SLC16A10: variants seen among roughly 807,000 people sequenced by gnomAD.
SLC16A10 encodes the protein solute carrier family 16 member 10.
A neutral mutation model predicts 40.0 loss-of-function variants in SLC16A10; 27 were observed. The observed-to-expected ratio is 0.67, with a 90% CI of 0.50 to 0.93. The LOEUF (loss-of-function observed/expected upper bound fraction) is 0.93, where lower values mean the gene tolerates loss of function less well. SLC16A10 is among the 40% of genes least tolerant of loss of function. SLC16A10 has a pLI of 0.00. For missense variants in SLC16A10, 529 were observed against 658.2 expected (o/e 0.80, Z 2.15); for synonymous variants, 213 against 249.8 (o/e 0.85, Z 1.39).
chr6:111,191,827 A>C (rs1166365303), intron 3 of SLC16A10, among the ~76,000 whole-genome samples: 1 of 152,088 alleles, frequency 6.6e-6, no homozygotes, highest in Non-Finnish European at 1.5e-5. Context: ...TCTTTTGAAA[A>C]GTGTTCATAT....
intron 3 of SLC16A10, 108 bp downstream of exon 3, chr6:111,177,773 T>C (rs1772713950): frequency 9.8e-7 from 1 of 1,015,286 alleles, no homozygotes; most frequent in African/African-American, 1.6e-5. Context: ...TTATCCTGGT[T>C]GTAATTTTGG....
In SLC16A10 at chr6:111,167,851, T is replaced by G. The variant is rs111405091; in HGVS notation, c.344-4844T>G. Among the ~76,000 whole-genome samples, 382 of 152,122 alleles carry G rather than the reference T, an allele frequency of 2.5e-3. 2 individuals carry two copies. The highest frequency in any genetic ancestry group is 8.7e-3 in the African/African-American group (361 of 41,500). On this transcript the variant is annotated intron_variant, in intron 1 of 5. Coordinates refer to ENST00000368851, the MANE Select transcript of SLC16A10 (RefSeq NM_018593.5). The stretch of plus-strand genomic sequence containing the variant: ...GCCCAGCTAGTTTTTAAAGTATTTT[T>G]TTTTGTACAGATGGGGTCTTGCTTT...
At chr6:111,103,739 T>A (rs1771231641) in intron 1 of SLC16A10, among the ~76,000 whole-genome samples, 1 of 152,100 alleles carries the variant, frequency 6.6e-6, no homozygotes, top group Admixed American at 6.6e-5. Flanking sequence ...GGCTTCAGTT[T>A]TTGAGTTAGG....
At chr6:111,202,301 C>T (rs1436466157) in intron 3 of SLC16A10, among the ~76,000 whole-genome samples, 1 of 152,078 alleles carries the variant, frequency 6.6e-6, no homozygotes, top group African/African-American at 2.4e-5. Context: ...CATAACAGGA[C>T]CATGTCACTA....
chr6:111,115,359 G>A (rs757493362), intron 1 of SLC16A10, among the ~76,000 whole-genome samples: 33 of 152,170 alleles, frequency 2.2e-4, no homozygotes, highest in Non-Finnish European at 4.0e-4. Flanking sequence ...ATAGGCGCCT[G>A]CCATCACGCC....
At chr6:111,133,888 C>G (rs1489143762) in intron 1 of SLC16A10, among the ~76,000 whole-genome samples, 1 of 152,212 alleles carries the variant, frequency 6.6e-6, no homozygotes, top group Non-Finnish European at 1.5e-5. Flanking sequence ...CTTTTTCTCT[C>G]TCACACTTGA....
chr6:111,156,915 GTATTT>G (rs547961253), intron 1 of SLC16A10, among the ~76,000 whole-genome samples: 10 of 152,198 alleles, frequency 6.6e-5, no homozygotes, highest in African/African-American at 2.4e-4. Flanking sequence ...AAATGAAAGT[GTATTT>G]TATTTTATTT....
At position 111,103,678 on chromosome 6, in the gene SLC16A10, A is replaced by G. The variant is rs145965500; in HGVS notation, c.343+15583A>G. ...ATGCTAAATCCTGTGCAAGTAAGAT[A>G]TAGGATTTTAGAGGAAGGGAGAATG... On this transcript the variant is annotated intron_variant, in intron 1 of 5. Coordinates refer to ENST00000368851, the MANE Select transcript of SLC16A10 (RefSeq NM_018593.5). 5.1e-3 allele frequency among the ~76,000 whole-genome samples: 774 copies of G among 152,308 alleles called. 2 individuals are homozygous for G. The highest frequency in any genetic ancestry group is 0.017 in the African/African-American group (717 of 41,566).
At chr6:111,130,856 C>G (rs892616445) in intron 1 of SLC16A10, among the ~76,000 whole-genome samples, 5 of 152,180 alleles carry the variant, frequency 3.3e-5, no homozygotes, top group African/African-American at 9.7e-5. Flanking sequence ...GATTTTGAAT[C>G]CTGGCTGAGT....
Position 111,228,551 on chromosome 6 carries a change from G to A in SLC16A10, c.*6316G>A, listed in dbSNP as rs1358146198. On this transcript the variant is annotated 3_prime_UTR_variant, in exon 6 of 6. Coordinates refer to ENST00000368851, the MANE Select transcript of SLC16A10 (RefSeq NM_018593.5). ...GATTGGTAATACTATTTTGGAGCCT[G>A]TGATGTATGACTTTTATTCTTTACT... 2.6e-5 allele frequency: 4 copies of A among 152,162 alleles called. No homozygotes were observed. The highest frequency in any genetic ancestry group is 2.1e-4 in the South Asian group (1 of 4,828). 9.4% of individuals were successfully genotyped at this position (152,162 alleles called of 1,614,324 possible).
intron 3 of SLC16A10, among the ~76,000 whole-genome samples, chr6:111,185,007 C>T (rs774505835): frequency 8.6e-5 from 13 of 151,458 alleles, no homozygotes; most frequent in Non-Finnish European, 1.5e-4. Context: ...CGCTGAGCCA[C>T]GCAAATAGGA....
intron 1 of SLC16A10, among the ~76,000 whole-genome samples, chr6:111,118,718 TTTATATGG>T (rs1442305507): frequency 6.6e-6 from 1 of 151,244 alleles, no homozygotes; most frequent in Non-Finnish European, 1.5e-5. Context: ...TATCTCAGGT[TTTATATGG>T]CATTGATGGA....
chr6:111,099,597 GA>G (rs905030260), intron 1 of SLC16A10, among the ~76,000 whole-genome samples: 2 of 152,096 alleles, frequency 1.3e-5, no homozygotes, highest in African/African-American at 4.8e-5. Context: ...TTATAGATGT[GA>G]GCCACCATGT....
chr6:111,103,480 A>G (rs1203265664), intron 1 of SLC16A10, among the ~76,000 whole-genome samples: 1 of 152,182 alleles, frequency 6.6e-6, no homozygotes, highest in Non-Finnish European at 1.5e-5. Context: ...GGCCTCCCAA[A>G]GTGCTGGGAT....
chr6:111,194,273 T>C (rs1300533985), intron 3 of SLC16A10, among the ~76,000 whole-genome samples: 1 of 152,250 alleles, frequency 6.6e-6, no homozygotes, highest in Non-Finnish European at 1.5e-5. Context: ...AGAACAGTTT[T>C]ATCTCCATCT....
At chr6:111,199,186 G>A (rs896431952) in intron 3 of SLC16A10, among the ~76,000 whole-genome samples, 3 of 152,212 alleles carry the variant, frequency 2.0e-5, no homozygotes, top group African/African-American at 7.2e-5. Context: ...TAGGCTGGGT[G>A]TGGGGGCTCA....
chr6:111,153,629 G>C (rs1772215192), intron 1 of SLC16A10, among the ~76,000 whole-genome samples: 1 of 152,196 alleles, frequency 6.6e-6, no homozygotes, highest in African/African-American at 2.4e-5. Flanking sequence ...AGTCAGGTAA[G>C]GCTGGGGTAT....
rs142123503 is a variant in SLC16A10 at position 111,088,500 on chromosome 6, A to G, written c.343+405A>G. ...TCTTTCGTGACTATGCCAGTTATGT[A>G]GTTCTTCACCTGCCTCCCTGGGCCG... On this transcript the variant is annotated intron_variant, in intron 1 of 5. Transcript: ENST00000368851. 3.6e-3 allele frequency among the ~76,000 whole-genome samples: 552 copies of G among 152,186 alleles called. 4 individuals are homozygous for G. Among genetic ancestry groups the G allele is most frequent in the African/African-American group, 0.013 (530 of 41,530 alleles).
rs1771006442 is a variant in SLC16A10 at position 111,226,968 on chromosome 6, C to T, written c.*4733C>T. ...GCAACATAGTGAGATTTCGTCTCTA[C>T]AAAAAAAATTTAGCCAGCTTGGTGG... On this transcript the variant is annotated 3_prime_UTR_variant, in exon 6 of 6. Coordinates refer to ENST00000368851, the MANE Select transcript of SLC16A10 (RefSeq NM_018593.5). The T allele has an allele frequency of 6.6e-6, 1 of 152,042 alleles. No homozygotes were observed. Among genetic ancestry groups the T allele is most frequent in the African/African-American group, 2.4e-5 (1 of 41,388 alleles). 9.4% of individuals were successfully genotyped at this position (152,042 alleles called of 1,614,324 possible).
Sources: gnomAD v4.1 joint callset for allele counts (sites outside exome capture counted in the v4.1 genomes callset) on GRCh38, gnomAD v4.1.1 for gene constraint, MANE v1.5 for transcripts, NCBI Gene and HGNC (gene_info 2026-07-23, HGNC 2026-07-21) for gene names.